Variants in PTPRM observed in about 807,000 individuals in gnomAD.
PTPRM encodes the protein receptor-type tyrosine-protein phosphatase mu.
A neutral mutation model predicts 186.7 loss-of-function variants in PTPRM; 47 were observed. The observed-to-expected ratio is 0.25, with a 90% CI of 0.20 to 0.32. PTPRM has a LOEUF of 0.32. PTPRM is among the 10% of genes least tolerant of loss of function. The pLI, the probability that PTPRM is intolerant of heterozygous loss-of-function variation, is 1.00. For missense variants in PTPRM, 1,494 were observed against 1,865.0 expected (o/e 0.80, Z 3.66); for synonymous variants, 668 against 674.9 (o/e 0.99, Z 0.16).
chr18:8,021,282 C>A (rs563013606), intron 7 of PTPRM, among the ~76,000 whole-genome samples: 2 of 150,444 alleles, frequency 1.3e-5, no homozygotes, highest in South Asian at 4.2e-4. Flanking sequence ...TTCCAAGTAA[C>A]AAAAACCAAG....
At chr18:7,653,274 G>C (rs1031187833) in intron 1 of PTPRM, among the ~76,000 whole-genome samples, 1 of 151,880 alleles carries the variant, frequency 6.6e-6, no homozygotes, top group Non-Finnish European at 1.5e-5. Context: ...AGCCTCCCAA[G>C]TAGCTGGGAC....
At chr18:7,573,864 T>C (rs2036621930) in intron 1 of PTPRM, among the ~76,000 whole-genome samples, 1 of 152,178 alleles carries the variant, frequency 6.6e-6, no homozygotes, top group South Asian at 2.1e-4. Flanking sequence ...GTGCTGGGAT[T>C]ACAGGCATGA....
At chr18:8,383,474 A>G (rs988015707) in intron 29 of PTPRM, among the ~76,000 whole-genome samples, 5 of 152,002 alleles carry the variant, frequency 3.3e-5, no homozygotes, top group African/African-American at 1.2e-4. Flanking sequence ...CTTCCTGACT[A>G]TTTCCAAGGG....
chr18:8,300,538 G>T (rs180785401), intron 20 of PTPRM, among the ~76,000 whole-genome samples: 1 of 151,110 alleles, frequency 6.6e-6, no homozygotes, highest in South Asian at 2.1e-4. Context: ...TGAAGTCTCC[G>T]ATCCAAGTGA....
At chr18:8,114,232 G>C (rs1226336769) in intron 12 of PTPRM, among the ~76,000 whole-genome samples, 3 of 151,380 alleles carry the variant, frequency 2.0e-5, no homozygotes, top group African/African-American at 7.3e-5. Flanking sequence ...TTTCCTAAGA[G>C]AAAATAGAAA....
intron 14 of PTPRM, among the ~76,000 whole-genome samples, chr18:8,155,621 C>T (rs975096418): frequency 6.6e-6 from 1 of 152,088 alleles, no homozygotes; most frequent in Non-Finnish European, 1.5e-5. Context: ...CTAGCACTAC[C>T]AAGAAAAATC....
chr18:8,190,475 A>T (rs539718099), intron 14 of PTPRM, among the ~76,000 whole-genome samples: 1 of 152,248 alleles, frequency 6.6e-6, no homozygotes, highest in Non-Finnish European at 1.5e-5. Context: ...TTTGTAAATG[A>T]TAGCACAGTT....
In PTPRM at chr18:8,038,982, G is replaced by T. The variant is rs547897867; in HGVS notation, c.1133-30704G>T. The stretch of plus-strand genomic sequence containing the variant: ...TAAATAACTGGAACTATTTTCAGGG[G>T]TTTTTTTTTGCCAGAATTATATTAG... On this transcript the variant is annotated intron_variant, in intron 7 of 32. Transcript: ENST00000580170. Among the ~76,000 whole-genome samples, 369 of 150,652 alleles carry T rather than the reference G, an allele frequency of 2.4e-3. 1 individual carries two copies. Among genetic ancestry groups the T allele is most frequent in the South Asian group, 7.8e-3 (37 of 4,762 alleles).
At chr18:8,298,987 G>A (rs971103022) in intron 20 of PTPRM, among the ~76,000 whole-genome samples, 53 of 152,292 alleles carry the variant, frequency 3.5e-4, no homozygotes, top group African/African-American at 1.2e-3. Context: ...GTGATGGTGC[G>A]TGCCTGCAGT....
intron 7 of PTPRM, among the ~76,000 whole-genome samples, chr18:8,033,743 G>T (rs1368314450): frequency 6.6e-6 from 1 of 152,188 alleles, no homozygotes; most frequent in Non-Finnish European, 1.5e-5. Context: ...GTTTTTAAAT[G>T]ATAGTACCTG....
In PTPRM at chr18:8,379,215, G is replaced by A. The variant is rs779665748; in HGVS notation, c.3661G>A (p.Ala1221Thr). 12 of 1,613,622 alleles carry A rather than the reference G, an allele frequency of 7.4e-6. No homozygotes were observed. The highest frequency in any genetic ancestry group is 2.2e-5 in the East Asian group (1 of 44,878). Residue 1221 changes from alanine (A) to threonine (T), a missense_variant, in exon 28 of 33, where the codon GCA (alanine) becomes ACA (threonine). By Grantham distance (58) the Ala-to-Thr change is moderately conservative. Around this residue, in one of 3 missense-constraint regions of PTPRM, gnomAD observed 1,107 missense variants for 1,350.2 expected, o/e 0.82. Coordinates refer to ENST00000580170, the MANE Select transcript of PTPRM (RefSeq NM_001105244.2). ...GCTGCGAGTAGAGGACTGCAGCATC[G>A]CACTGTTGCCCCGGAACCATGAGAA... ...PTLRVEDCSI[A>T]LLPRNHEKNR...
chr18:8,238,426 C>A (rs1481664730), intron 14 of PTPRM, among the ~76,000 whole-genome samples: 2 of 151,558 alleles, frequency 1.3e-5, no homozygotes, highest in Non-Finnish European at 2.9e-5. Flanking sequence ...TCTGTTACAA[C>A]GTTTTTTGTC....
At chr18:8,383,250 A>T (rs970924491) in intron 29 of PTPRM, among the ~76,000 whole-genome samples, 2 of 131,014 alleles carry the variant, frequency 1.5e-5, no homozygotes. Flanking sequence ...GTGAGCCGAG[A>T]TCACACCACT....
intron 23 of PTPRM, among the ~76,000 whole-genome samples, chr18:8,365,563 C>T (rs544132486): frequency 6.6e-6 from 1 of 152,358 alleles, no homozygotes; most frequent in South Asian, 2.1e-4. Flanking sequence ...TCCCCAAAAC[C>T]ACCTATTGTG....
intron 1 of PTPRM, among the ~76,000 whole-genome samples, chr18:7,759,108 G>C (rs929763159): frequency 6.6e-6 from 1 of 152,258 alleles, no homozygotes. Flanking sequence ...TACAGAAATT[G>C]AGCTGGTCTG....
At chr18:7,954,775 C>T (rs2053204170) in intron 6 of PTPRM, among the ~76,000 whole-genome samples, 1 of 152,120 alleles carries the variant, frequency 6.6e-6, no homozygotes, top group African/African-American at 2.4e-5. Flanking sequence ...ACAGGCATCA[C>T]TTTAATGCAT....
intron 11 of PTPRM, among the ~76,000 whole-genome samples, chr18:8,099,983 G>A (rs950285355): frequency 6.6e-6 from 1 of 152,162 alleles, no homozygotes. Context: ...CAGGAAGCAT[G>A]GTGTTGGCAT....
chr18:8,058,981 T>A (rs544070007), intron 7 of PTPRM, among the ~76,000 whole-genome samples: 1 of 100,778 alleles, frequency 9.9e-6, no homozygotes, highest in East Asian at 2.2e-4. Flanking sequence ...TTTTTTCCAA[T>A]TCTGTGACGA....
chr18:8,317,124 G>A (rs947439984), intron 21 of PTPRM, among the ~76,000 whole-genome samples: 3 of 152,042 alleles, frequency 2.0e-5, no homozygotes, highest in African/African-American at 7.2e-5. Flanking sequence ...TCTGGCTGCT[G>A]GGAGGGAAGT....
Sources: gnomAD v4.1 joint callset for allele counts (sites outside exome capture counted in the v4.1 genomes callset) on GRCh38, gnomAD v4.1.1 for gene constraint, gnomAD v4.1.1 regional missense constraint, MANE v1.5 for transcripts, NCBI Gene and HGNC (gene_info 2026-07-23, HGNC 2026-07-21) for gene names.